NLN: variants seen among roughly 807,000 people sequenced by gnomAD.
The protein encoded by NLN is neurolysin, also known as neurolysin, mitochondrial.
Under a neutral mutation model 79.9 loss-of-function variants are expected in NLN, and 64 were observed. That is an observed-to-expected ratio of 0.80 (90% confidence interval 0.65 to 0.99). The LOEUF (loss-of-function observed/expected upper bound fraction) is 0.99. Ranked by LOEUF, NLN falls within the 50% of genes least tolerant of loss-of-function variation. NLN has a pLI of 0.00. For synonymous variants in NLN, 267 were observed against 296.6 expected (o/e 0.90, Z 1.02); for missense variants, 835 against 858.7 (o/e 0.97, Z 0.34).
At chr5:65,753,964 T>C (rs1343520585) in intron 1 of NLN, among the ~76,000 whole-genome samples, 1 of 152,164 alleles carries the variant, frequency 6.6e-6, no homozygotes, top group Non-Finnish European at 1.5e-5. Flanking sequence ...AACATCTTTA[T>C]TATTTTGCAC....
At chr5:65,754,448 G>A (rs1759175729) in intron 1 of NLN, among the ~76,000 whole-genome samples, 1 of 152,108 alleles carries the variant, frequency 6.6e-6, no homozygotes, top group South Asian at 2.1e-4. Flanking sequence ...TATGAGTGTT[G>A]AGAGGAAGAT....
chr5:65,823,442 A>G lies in NLN; in HGVS notation c.*527A>G, dbSNP rs937139750. On this transcript the variant is annotated 3_prime_UTR_variant, in exon 13 of 13. Transcript: ENST00000380985. ...CCTCAAGGCCAGGGGAATATGCCTC[A>G]GTGATGCATTTATCTTTGTATATCA... The G allele has an allele frequency of 3.3e-5, 5 of 152,560 alleles. No individual in the cohort carries two copies. Among genetic ancestry groups the G allele is most frequent in the African/African-American group, 1.2e-4 (5 of 41,430 alleles). 9.5% of individuals were successfully genotyped at this position (152,560 alleles called of 1,614,324 possible).
chr5:65,791,907 T>C (rs1300748148), intron 8 of NLN, among the ~76,000 whole-genome samples: 9 of 152,210 alleles, frequency 5.9e-5, no homozygotes, highest in Non-Finnish European at 1.3e-4. Flanking sequence ...AATTTATGCA[T>C]TTTCCCAGGC....
chr5:65,811,771 G>A (rs550703215), intron 11 of NLN, among the ~76,000 whole-genome samples: 16 of 150,754 alleles, frequency 1.1e-4, no homozygotes, highest in African/African-American at 2.9e-4. Flanking sequence ...GCATTGAGCC[G>A]AGATCTCACC....
chr5:65,734,949 G>A (rs1490029528), intron 1 of NLN, among the ~76,000 whole-genome samples: 2 of 152,178 alleles, frequency 1.3e-5, no homozygotes, highest in African/African-American at 2.4e-5. Flanking sequence ...AAAAGAAATA[G>A]ATGAATGATA....
chr5:65,722,650 C>G (rs987888932), intron 1 of NLN: 22 of 518,276 alleles, frequency 4.2e-5, no homozygotes, highest in Middle Eastern at 5.1e-4. Context: ...TTTGGGACTG[C>G]CTCAGCCGCA....
chr5:65,824,269 C>T lies in NLN; in HGVS notation c.*1354C>T, dbSNP rs1009033498. 7 of 152,152 alleles carry T rather than the reference C, an allele frequency of 4.6e-5. No individual in the cohort carries two copies. Among genetic ancestry groups the T allele is most frequent in the African/African-American group, 1.4e-4 (6 of 41,440 alleles). The allele number at this position is 152,152 out of a possible 1,614,324, so 9.4% of individuals were successfully genotyped here. ...CTTCCGATTCTCTAGTCCAAATGAA[C>T]TTTGTGCTAAATAAAAAATTATTAT... On this transcript the variant is annotated 3_prime_UTR_variant, in exon 13 of 13. Coordinates refer to ENST00000380985, the MANE Select transcript of NLN (RefSeq NM_020726.5).
chr5:65,758,898 T>G, intron 2 of NLN, 72 bp downstream of exon 2: 1 of 1,383,706 alleles, frequency 7.2e-7, no homozygotes, highest in Non-Finnish European at 1.0e-6. Flanking sequence ...CTTTCTGTCT[T>G]TCAGTTTTCC....
chr5:65,800,663 C>CTTATGTATTTAT (rs1760265853), intron 9 of NLN, among the ~76,000 whole-genome samples: 1 of 142,880 alleles, frequency 7.0e-6, no homozygotes, highest in African/African-American at 2.7e-5. Flanking sequence ...AGAAAACTCT[C>CTTATGTATTTAT]TTATTTATTT....
intron 9 of NLN, among the ~76,000 whole-genome samples, chr5:65,808,528 C>T (rs1760472638): frequency 6.6e-6 from 1 of 152,168 alleles, no homozygotes; most frequent in South Asian, 2.1e-4. Flanking sequence ...GGCAGTTTTA[C>T]AAGTGTTTGA....
At chr5:65,733,607 C>T in intron 1 of NLN, 2 of 1,500,114 alleles carry the variant, frequency 1.3e-6, no homozygotes, top group Admixed American at 3.4e-5. Flanking sequence ...CCTGCCCTTC[C>T]TGTGGCTCAT....
intron 1 of NLN, among the ~76,000 whole-genome samples, chr5:65,737,233 A>G (rs993819419): frequency 1.3e-5 from 2 of 152,204 alleles, no homozygotes; most frequent in African/African-American, 4.8e-5. Context: ...TCCTGCCCTC[A>G]TGGGTTTATC....
chr5:65,737,615 A>G (rs1758756078), intron 1 of NLN, among the ~76,000 whole-genome samples: 1 of 152,186 alleles, frequency 6.6e-6, no homozygotes, highest in African/African-American at 2.4e-5. Flanking sequence ...ATTGATATCT[A>G]GGGAGTATAG....
At chr5:65,744,716 T>C (rs1294369903) in intron 1 of NLN, among the ~76,000 whole-genome samples, 2 of 152,114 alleles carry the variant, frequency 1.3e-5, no homozygotes, top group African/African-American at 2.4e-5. Flanking sequence ...CTGGCCAACA[T>C]GGTGAAACCT....
At position 65,781,379 on chromosome 5, in the gene NLN, CAGA is replaced by C. The variant is rs752207700; in HGVS notation, c.786_788del (p.Arg263del). The C allele has an allele frequency of 3.1e-6, 5 of 1,609,336 alleles. No individual in the cohort carries two copies. Among genetic ancestry groups the C allele is most frequent in the Non-Finnish European group, 4.3e-6 (5 of 1,175,918 alleles). On this transcript the variant is annotated inframe_deletion, in exon 6 of 13. Transcript: ENST00000380985. Reference sequence around the variant, plus strand: ...TGAAGAAATGTTGTATCCCTGAAACCAGAAGAAGGATGGAAATGGCTTTTAATA... The same window carrying C: ...TGAAGAAATGTTGTATCCCTGAAACCAGAAGGATGGAAATGGCTTTTAATA...
intron 1 of NLN, chr5:65,723,091 A>G (rs1758357014): frequency 6.6e-6 from 1 of 152,264 alleles, no homozygotes; most frequent in Non-Finnish European, 1.5e-5. Context: ...TGGTGAGGGA[A>G]TTAAATTCTT....
intron 1 of NLN, chr5:65,722,738 C>G: frequency 2.7e-6 from 1 of 370,172 alleles, no homozygotes. Context: ...ACGTTCAATC[C>G]CAATGCAGAA....
chr5:65,741,852 A>G (rs141677659), intron 1 of NLN, among the ~76,000 whole-genome samples: 136 of 152,350 alleles, frequency 8.9e-4, no homozygotes, highest in African/African-American at 3.1e-3. Flanking sequence ...AATCTCTTCA[A>G]GTTCATGTAT....
chr5:65,809,630 A>T lies in NLN; in HGVS notation c.1643A>T (p.His548Leu). 1 of 1,614,086 alleles carries T rather than the reference A, an allele frequency of 6.2e-7. No homozygotes were observed. The highest frequency in any genetic ancestry group is 8.5e-7 in the Non-Finnish European group (1 of 1,180,000). The stretch of plus-strand genomic sequence containing the variant: ...GATTCCCTCCGAAGATTGTCAAAAC[A>T]TTATAAAGATGGAAGCCCTATTGCA... Reference protein sequence around the residue: ...DVDSLRRLSKHYKDGSPIADD... With the variant: ...DVDSLRRLSKLYKDGSPIADD... Residue 548 changes from histidine (H) to leucine (L), a missense_variant, in exon 10 of 13, where the codon CAT (histidine) becomes CTT (leucine). His to Leu is a moderately conservative substitution (Grantham distance 99). Transcript: ENST00000380985.
Sources: allele counts gnomAD v4.1 joint callset (sites outside exome capture counted in the v4.1 genomes callset), GRCh38; gene constraint gnomAD v4.1.1; transcripts MANE v1.5; gene names NCBI Gene and HGNC (gene_info 2026-07-23, HGNC 2026-07-21).